The following TIAM1 variants were observed in gnomAD, a reference collection of about 807,000 sequenced individuals.
The protein encoded by TIAM1 is rho guanine nucleotide exchange factor TIAM1.
A neutral mutation model predicts 163.5 loss-of-function variants in TIAM1; 65 were observed. The ratio of observed to expected loss-of-function variants is 0.40; its 90% CI spans 0.33 to 0.49. TIAM1 has a LOEUF of 0.49. TIAM1 is among the 20% of genes least tolerant of loss of function. TIAM1 has a pLI of 0.77. For missense variants in TIAM1, 1,789 were observed against 2,044.7 expected (o/e 0.87, Z 2.41); for synonymous variants, 833 against 810.1 (o/e 1.03, Z -0.48).
At chr21:31,259,747 G>A (rs2072346425) in intron 4 of TIAM1, among the ~76,000 whole-genome samples, 1 of 151,932 alleles carries the variant, frequency 6.6e-6, no homozygotes, top group Admixed American at 6.6e-5. Context: ...AGTCAGTGAG[G>A]CTCCTCCTTT....
At chr21:31,267,133 C>T in intron 3 of TIAM1, 150 bp from the exon 4 acceptor site, 1 of 1,108,582 alleles carries the variant, frequency 9.0e-7, no homozygotes, top group Non-Finnish European at 1.2e-6. Flanking sequence ...CCTATATGCA[C>T]CTGGTAGGTT....
At chr21:31,183,565 G>C (rs997192296) in intron 14 of TIAM1, among the ~76,000 whole-genome samples, 1 of 152,186 alleles carries the variant, frequency 6.6e-6, no homozygotes, top group African/African-American at 2.4e-5. Flanking sequence ...GGAACGAGAA[G>C]CCTCCCAGGC....
intron 2 of TIAM1, among the ~76,000 whole-genome samples, chr21:31,308,208 G>A (rs543289301): frequency 6.6e-6 from 1 of 152,126 alleles, no homozygotes; most frequent in Admixed American, 6.5e-5. Flanking sequence ...CTAAGATCGC[G>A]CCACTGCACT....
chr21:31,245,843 G>A (rs185378165), intron 5 of TIAM1, among the ~76,000 whole-genome samples, 183 bp from the exon 6 acceptor site: 17 of 152,294 alleles, frequency 1.1e-4, no homozygotes, highest in Non-Finnish European at 2.1e-4. Context: ...GAAGGACAAA[G>A]ATCTTAAATT....
intron 2 of TIAM1, among the ~76,000 whole-genome samples, chr21:31,421,649 T>C (rs2043578153): frequency 6.6e-6 from 1 of 152,164 alleles, no homozygotes; most frequent in African/African-American, 2.4e-5. Flanking sequence ...CCATGAAACT[T>C]GTCCCTGGTG....
intron 4 of TIAM1, among the ~76,000 whole-genome samples, chr21:31,258,348 G>C (rs963041730): frequency 9.2e-5 from 14 of 152,286 alleles, no homozygotes; most frequent in African/African-American, 3.4e-4. Flanking sequence ...ACTGCAGCTG[G>C]AGTTAAAGGT....
At chr21:31,380,309 C>T (rs970374038) in intron 2 of TIAM1, among the ~76,000 whole-genome samples, 11 of 152,028 alleles carry the variant, frequency 7.2e-5, no homozygotes, top group East Asian at 3.9e-4. Flanking sequence ...TTTGGGAGGC[C>T]GAGGTGGGTG....
chr21:31,400,432 A>T (rs2077146177), intron 2 of TIAM1, among the ~76,000 whole-genome samples: 1 of 152,106 alleles, frequency 6.6e-6, no homozygotes, highest in African/African-American at 2.4e-5. Flanking sequence ...ACCCGGCCAG[A>T]CACCACACTT....
chr21:31,419,903 T>C (rs1602234491), intron 2 of TIAM1, among the ~76,000 whole-genome samples: 1 of 151,808 alleles, frequency 6.6e-6, no homozygotes, highest in East Asian at 1.9e-4. Context: ...ATACAAAAAT[T>C]ATCCAAGCGT....
At chr21:31,173,784 T>G (rs758912977) in intron 15 of TIAM1, among the ~76,000 whole-genome samples, 7 of 152,228 alleles carry the variant, frequency 4.6e-5, no homozygotes, top group Non-Finnish European at 1.0e-4. Context: ...TTACTAATCC[T>G]GTTAGCTTGT....
chr21:31,486,588 C>T (rs1385723593), intron 1 of TIAM1, among the ~76,000 whole-genome samples: 2 of 152,254 alleles, frequency 1.3e-5, no homozygotes, highest in African/African-American at 4.8e-5. Flanking sequence ...CATTCATCTG[C>T]TCCTCAGTGA....
intron 1 of TIAM1, among the ~76,000 whole-genome samples, chr21:31,532,665 T>A (rs1234743262): frequency 6.6e-6 from 1 of 152,138 alleles, no homozygotes; most frequent in African/African-American, 2.4e-5. Context: ...CTTTTTAATC[T>A]CCCCGCACTC....
At chr21:31,430,235 T>TACACAC (rs1252878843) in intron 2 of TIAM1, among the ~76,000 whole-genome samples, 2 of 130,032 alleles carry the variant, frequency 1.5e-5, no homozygotes, top group African/African-American at 6.7e-5. Flanking sequence ...AATATATATA[T>TACACAC]ATATATATAT....
rs1250454027 is a variant in TIAM1 at position 31,120,792 on chromosome 21, G to C, written c.4352C>G (p.Ala1451Gly). Residue 1451 changes from alanine to glycine, a missense_variant, in exon 28 of 28, where the codon GCT (alanine) becomes GGT (glycine). Coordinates refer to ENST00000541036, the MANE Select transcript of TIAM1 (RefSeq NM_001353694.2). This position sits in a 1 kb window ranked among gnomAD's most constrained non-coding sequence, Gnocchi z 4.2. ...KSLGRRRRRLARNRFTIDSDA... is the reference protein window; with the variant it reads ...KSLGRRRRRLGRNRFTIDSDA... The stretch of plus-strand genomic sequence containing the variant: ...AGAATCAATGGTAAACCTGTTTCGA[G>C]CCAGCCGCCGCCTCCTCCTCCCAAG... 1.9e-6 allele frequency: 3 copies of C among 1,613,656 alleles called. No individual in the cohort carries two copies. Among genetic ancestry groups the C allele is most frequent in the East Asian group, 2.2e-5 (1 of 44,840 alleles).
At chr21:31,473,595 T>A (rs2045834054) in intron 1 of TIAM1, among the ~76,000 whole-genome samples, 1 of 151,932 alleles carries the variant, frequency 6.6e-6, no homozygotes, top group South Asian at 2.1e-4. Context: ...GGAGCACAGC[T>A]GGCCTCCCGT....
At chr21:31,207,003 ACCTT>A (rs1229035225) in intron 11 of TIAM1, among the ~76,000 whole-genome samples, 1 of 152,154 alleles carries the variant, frequency 6.6e-6, no homozygotes, top group Non-Finnish European at 1.5e-5. Context: ...CTTCAAAGTA[ACCTT>A]TTCTTTCTCT....
At chr21:31,438,801 T>A (rs1216244072) in intron 2 of TIAM1, among the ~76,000 whole-genome samples, 1 of 152,138 alleles carries the variant, frequency 6.6e-6, no homozygotes, top group African/African-American at 2.4e-5. Flanking sequence ...TTGTAGGATG[T>A]TTGGCAGCAT....
chr21:31,329,029 A>G (rs943763122), intron 2 of TIAM1, among the ~76,000 whole-genome samples: 1 of 152,154 alleles, frequency 6.6e-6, no homozygotes, highest in Admixed American at 6.5e-5. Context: ...AGGTATCCGG[A>G]GATGATTTCA....
At chr21:31,524,309 AAG>A (rs1377831316) in intron 1 of TIAM1, among the ~76,000 whole-genome samples, 5 of 152,136 alleles carry the variant, frequency 3.3e-5, no homozygotes, top group South Asian at 4.2e-4. Flanking sequence ...GAGGAGGAGC[AAG>A]AGAGAGTAGA....
Sources: allele counts gnomAD v4.1 joint callset (sites outside exome capture counted in the v4.1 genomes callset), GRCh38; gene constraint gnomAD v4.1.1; non-coding constraint Gnocchi (gnomAD v3.1); transcripts MANE v1.5; gene names NCBI Gene and HGNC (gene_info 2026-07-23, HGNC 2026-07-21).